PTBP1: variants seen among roughly 807,000 people sequenced by gnomAD.
PTBP1 encodes the protein polypyrimidine tract-binding protein 1.
A neutral mutation model predicts 59.8 loss-of-function variants in PTBP1; 8 were observed. That is an observed-to-expected ratio of 0.13 (90% CI 0.08 to 0.24). The LOEUF is 0.24. Ranked by LOEUF, PTBP1 falls within the 10% of genes least tolerant of loss-of-function variation. The pLI, the probability that PTBP1 is intolerant of heterozygous loss-of-function variation, is 1.00. For missense variants in PTBP1, 686 were observed against 767.0 expected, an observed-to-expected ratio of 0.89 and a Z score of 1.25; for synonymous variants, 490 against 320.7, an observed-to-expected ratio of 1.53 and a Z score of -5.64.
chr19:809,035 G>A (rs657934), intron 13 of PTBP1, among the ~76,000 whole-genome samples: 12,877 of 152,102 alleles, frequency 0.085, 1,815 homozygotes, highest in African/African-American at 0.29. Context: ...TTGAGGCGAA[G>A]TCTTGCTTTG....
At chr19:804,470 C>G (rs373237372) in intron 5 of PTBP1, 32 bp downstream of exon 5, 1 of 1,598,896 alleles carries the variant, frequency 6.3e-7, no homozygotes, top group Non-Finnish European at 8.5e-7. Context: ...CCCAGCAGCC[C>G]GGGGACCTCG....
intron 1 of PTBP1, among the ~76,000 whole-genome samples, chr19:798,153 A>T (rs2034163918): frequency 6.6e-6 from 1 of 151,236 alleles, no homozygotes; most frequent in African/African-American, 2.4e-5. Flanking sequence ...ATCTCGGGAG[A>T]GAAGCGGCCG....
chr19:807,975 A>T lies in PTBP1; in HGVS notation c.1153+73A>T, dbSNP rs951378071. ...TGATTTTGATGCCCTGAGACGTATT[A>T]TGAGTTTGCGGTTTGGCACTCTGAT... On this transcript the variant is annotated intron_variant, in intron 11 of 14. Transcript: ENST00000356948. 17 of 1,418,120 alleles carry T rather than the reference A, an allele frequency of 1.2e-5. No homozygotes were observed. In the African/African-American group the frequency reaches 2.3e-4, roughly 19 times the overall value. The allele number at this position is 1,418,120 out of a possible 1,614,324, so 87.8% of individuals were successfully genotyped here.
At position 799,322 on chromosome 19, in the gene PTBP1, C is replaced by T. The variant is rs777847241; in HGVS notation, c.9-91C>T. 4.2e-6 allele frequency: 5 copies of T among 1,201,606 alleles called. No individual in the cohort carries two copies. In the Admixed American group the frequency reaches 5.0e-5, roughly 12 times the overall value. 74.4% of individuals were successfully genotyped at this position (1,201,606 alleles called of 1,614,324 possible). On this transcript the variant is annotated intron_variant, in intron 1 of 14. Transcript: ENST00000356948. ...CCTGCGGAGGTGGCAGCTGCAGGGA[C>T]CTACGGGCTCTCCTGGCCCGGGGAC... is the stretch of plus-strand genomic sequence containing the variant.
Position 808,342 on chromosome 19 carries a change from A to AT in PTBP1, c.1154-17dup, listed in dbSNP as rs1358272534. On this transcript the variant is annotated splice_polypyrimidine_tract_variant and intron_variant, in intron 11 of 14. Transcript: ENST00000356948. The surrounding 1 kb of genome is among the most constrained non-coding windows in gnomAD (Gnocchi z 4.7). ...GCAGGCAGCAGGAGACTCAGGCCCC[A>AT]TCCCTGGGCTTTTGAAGGCGTCTAC... is the stretch of plus-strand genomic sequence containing the variant. 1 of 1,578,466 alleles carries AT rather than the reference A, an allele frequency of 6.3e-7. No homozygotes were observed. The highest frequency in any genetic ancestry group is 1.4e-5 in the African/African-American group (1 of 73,740).
At chr19:803,802 G>C (rs926940336) in intron 3 of PTBP1, among the ~76,000 whole-genome samples, 166 bp downstream of exon 3, 2 of 152,174 alleles carry the variant, frequency 1.3e-5, no homozygotes, top group Non-Finnish European at 2.9e-5. Context: ...CCAGGGAGGC[G>C]CTGGATGGAT....
intron 10 of PTBP1, chr19:807,199 C>G (rs1170928928): frequency 1.3e-5 from 2 of 152,442 alleles, no homozygotes; most frequent in Non-Finnish European, 2.9e-5. Context: ...CCCTCCAGCT[C>G]CTCCTGAGCG....
chr19:806,547 C>A lies in PTBP1; in HGVS notation c.1110C>A (p.Leu370=), dbSNP rs773482538. The change falls in exon 10 of 15, where the codon CTC becomes CTA. Residue 370 remains leucine, a synonymous_variant. Transcript: ENST00000356948. ...ATTCTGTATTGCTGGTCAGCAACCT[C>A]AACCCAGAGGTACGTGGGCTTTTCC... ...AGNSVLLVSN[L]NPERVTPQSL... 6.5e-7 allele frequency: 1 copy of A among 1,529,532 alleles called. No individual in the cohort carries two copies. The highest frequency in any genetic ancestry group is 8.8e-7 in the Non-Finnish European group (1 of 1,139,160). The allele number at this position is 1,529,532 out of a possible 1,614,324, so 94.7% of individuals were successfully genotyped here. A position where few individuals can be genotyped will look rare whatever the true frequency, so the allele number is the denominator to read the frequency against.
At chr19:797,641 C>A (rs939934907) in intron 1 of PTBP1, 136 bp downstream of exon 1, 8 of 474,282 alleles carry the variant, frequency 1.7e-5, no homozygotes, top group African/African-American at 1.5e-4. Context: ...CCTTCCTCTC[C>A]GCGTGGCGGG....
At chr19:810,231 T>A (rs1235784427) in intron 13 of PTBP1, among the ~76,000 whole-genome samples, 1 of 152,158 alleles carries the variant, frequency 6.6e-6, no homozygotes, top group East Asian at 1.9e-4. Context: ...CACTTGAACC[T>A]GCAGGCGGAG....
In PTBP1 at chr19:808,565, G is replaced by C; in HGVS notation, c.1266G>C (p.Gly422=). 6.3e-7 allele frequency: 1 copy of C among 1,596,368 alleles called. No homozygotes were observed. The highest frequency in any genetic ancestry group is 8.5e-7 in the Non-Finnish European group (1 of 1,173,416). ...QAQLAMSHLN[G]HKLHGKPIRI... ...CCCCAGCCATGAGCCACCTGAACGG[G>C]CACAAGCTGCACGGGAAGCCCATCC... The change falls in exon 13 of 15, where the codon GGG becomes GGC. Residue 422 remains glycine, a synonymous_variant. Coordinates refer to ENST00000356948, the MANE Select transcript of PTBP1 (RefSeq NM_002819.5). This position sits in a 1 kb window ranked among gnomAD's most constrained non-coding sequence, Gnocchi z 4.7.
At chr19:807,960 G>A (rs1322202842) in intron 11 of PTBP1, 58 bp downstream of exon 11, 1 of 1,462,240 alleles carries the variant, frequency 6.8e-7, no homozygotes, top group East Asian at 2.3e-5. Flanking sequence ...TGATTTTGAT[G>A]CCCTGAGACG....
chr19:801,067 T>A (rs2034310747), intron 2 of PTBP1, among the ~76,000 whole-genome samples: 1 of 139,972 alleles, frequency 7.1e-6, no homozygotes, highest in South Asian at 2.4e-4. Context: ...CACACCTGGC[T>A]ACGCTGTCCT....
chr19:804,421 A>G lies in PTBP1; in HGVS notation c.418A>G (p.Ser140Gly), dbSNP rs142836743. The G allele has an allele frequency of 1.2e-6, 2 of 1,611,562 alleles. No individual in the cohort carries two copies. The highest frequency in any genetic ancestry group is 1.7e-6 in the Non-Finnish European group (2 of 1,179,990). Reference protein sequence around the residue: ...FSNHKELKTDSSPNQARAQAA... With the variant: ...FSNHKELKTDGSPNQARAQAA... ...CAACCACAAGGAGCTGAAGACCGAC[A>G]GCTCTCCCAACCAGGCGGTGCGTGG... The change falls in exon 5 of 15, where the codon AGC (serine) becomes GGC (glycine). Residue 140 changes from serine (S) to glycine (G), a missense_variant. Coordinates refer to ENST00000356948, the MANE Select transcript of PTBP1 (RefSeq NM_002819.5).
chr19:810,366 C>T (rs964850498), intron 13 of PTBP1, among the ~76,000 whole-genome samples, 177 bp from the exon 14 acceptor site: 12 of 152,172 alleles, frequency 7.9e-5, no homozygotes, highest in Non-Finnish European at 1.3e-4. Flanking sequence ...TGCCTGGTTT[C>T]GTTAGAAGCT....
In PTBP1 at chr19:808,476, G is replaced by A. The variant is rs1318331764; in HGVS notation, c.1246+24G>A. On this transcript the variant is annotated intron_variant, in intron 12 of 14. Coordinates refer to ENST00000356948, the MANE Select transcript of PTBP1 (RefSeq NM_002819.5). The surrounding 1 kb of genome is among the most constrained non-coding windows in gnomAD (Gnocchi z 4.7). ...GGGTAAGAGGCCGGGGCGGCCCCGG[G>A]GTGGAGGGGGCAGGGGCGGGGGCTG... 2.5e-6 allele frequency: 4 copies of A among 1,573,494 alleles called. No homozygotes were observed. In the African/African-American group the frequency reaches 5.4e-5, roughly 21 times the overall value.
intron 2 of PTBP1, among the ~76,000 whole-genome samples, chr19:800,344 T>TG (rs1247278520): frequency 6.6e-6 from 1 of 152,180 alleles, no homozygotes; most frequent in South Asian, 2.1e-4. Flanking sequence ...GTGCGAATCT[T>TG]GCAGCCCCAT....
Position 811,994 on chromosome 19 carries a change from T to G in PTBP1, c.*1168T>G, listed in dbSNP as rs2034903318. 1 of 152,396 alleles carries G rather than the reference T, an allele frequency of 6.6e-6. No homozygotes were observed. The highest frequency in any genetic ancestry group is 2.4e-5 in the African/African-American group (1 of 41,440). 9.4% of individuals were successfully genotyped at this position (152,396 alleles called of 1,614,324 possible). ...GGGCTCTCCTAGGATCCCCTTTCCG[T>G]AAAAGCGTGTAACAAGGGTGTAAAT... On this transcript the variant is annotated 3_prime_UTR_variant, in exon 15 of 15. Transcript: ENST00000356948.
rs755010619 is a variant in PTBP1, at chr19:799,544, TC to T, written c.39+103del. 2.1e-4 allele frequency: 249 copies of T among 1,206,796 alleles called. 1 individual carries two copies. Among genetic ancestry groups the T allele is most frequent in the Admixed American group, 3.5e-4 (21 of 59,292 alleles). 74.8% of individuals were successfully genotyped at this position (1,206,796 alleles called of 1,614,324 possible). A position where few individuals can be genotyped will look rare whatever the true frequency, so the allele number is the denominator to read the frequency against. ...TGTTGCGTTGGCTAGAGGGCGCTTTTCCATTCCTAAGGGGCACTACCCTTGG... is the reference window on the plus strand; with the variant it reads ...TGTTGCGTTGGCTAGAGGGCGCTTTTCATTCCTAAGGGGCACTACCCTTGG... On this transcript the variant is annotated intron_variant, in intron 2 of 14. Coordinates refer to ENST00000356948, the MANE Select transcript of PTBP1 (RefSeq NM_002819.5).
Sources: allele counts gnomAD v4.1 joint callset (sites outside exome capture counted in the v4.1 genomes callset), GRCh38; gene constraint gnomAD v4.1.1; non-coding constraint Gnocchi (gnomAD v3.1); transcripts MANE v1.5; gene names NCBI Gene and HGNC (gene_info 2026-07-23, HGNC 2026-07-21).